SPAG17: variants seen among roughly 807,000 people sequenced by gnomAD.
SPAG17 encodes sperm-associated antigen 17.
Under a neutral mutation model 273.6 loss-of-function variants are expected in SPAG17, and 169 were observed. That is an observed-to-expected ratio of 0.62 (90% CI 0.55 to 0.70). The LOEUF (loss-of-function observed/expected upper bound fraction) is 0.70. Among genes scored for constraint, SPAG17 ranks in the 30% least tolerant of loss-of-function variants. The pLI is 0.00. For missense variants in SPAG17, 2,557 were observed against 2,627.8 expected (o/e 0.97, Z 0.59); for synonymous variants, 825 against 873.2 (o/e 0.94, Z 0.97).
intron 29 of SPAG17, among the ~76,000 whole-genome samples, 189 bp from the exon 30 acceptor site, chr1:118,012,561 A>C (rs1283298298): frequency 2.0e-5 from 3 of 152,240 alleles, no homozygotes; most frequent in African/African-American, 7.2e-5. Context: ...TTTATAGATG[A>C]GGAAATGTAG....
At chr1:118,085,642 G>T (rs972196598) in intron 13 of SPAG17, among the ~76,000 whole-genome samples, 1 of 152,086 alleles carries the variant, frequency 6.6e-6, no homozygotes, top group South Asian at 2.1e-4. Context: ...ACAGAGATGG[G>T]GGAAAACGAG....
chr1:118,018,458 T>C (rs1248722382), intron 28 of SPAG17, among the ~76,000 whole-genome samples: 1 of 152,068 alleles, frequency 6.6e-6, no homozygotes, highest in African/African-American at 2.4e-5. Flanking sequence ...TTCCTTAAAT[T>C]AATAATTTAA....
intron 31 of SPAG17, 108 bp from the exon 32 acceptor site, chr1:118,005,710 CTG>C (rs760523079): frequency 2.1e-5 from 17 of 794,854 alleles, no homozygotes; most frequent in Non-Finnish European, 2.8e-5. Flanking sequence ...TAGTCACAAA[CTG>C]TGTTTGCAGG....
At position 117,984,731 on chromosome 1, in the gene SPAG17, T is replaced by C. The variant is rs1305493876; in HGVS notation, c.5721A>G (p.Ile1907Met). The stretch of plus-strand genomic sequence containing the variant: ...ATTCAGATTTAAAAAAGGGTGGTAT[T>C]ATGCGGTTCTTAATATCCATTAGGT... Reference protein sequence around the residue: ...QNYLMDIKNRIIPPFFKSELN... With the variant: ...QNYLMDIKNRMIPPFFKSELN... Residue 1907 changes from isoleucine to methionine, a missense_variant, in exon 41 of 49, where the codon ATA (isoleucine) becomes ATG (methionine). By Grantham distance (10) the Ile-to-Met change is conservative (BLOSUM62 1). Transcript: ENST00000336338. 1 of 1,611,734 alleles carries C rather than the reference T, an allele frequency of 6.2e-7. No homozygotes were observed. The highest frequency in any genetic ancestry group is 1.7e-5 in the Admixed American group (1 of 59,978).
chr1:118,104,814 A>C (rs1656286644), intron 4 of SPAG17, among the ~76,000 whole-genome samples: 1 of 152,192 alleles, frequency 6.6e-6, no homozygotes, highest in South Asian at 2.1e-4. Flanking sequence ...TAGAGAAACC[A>C]CTTTTATGGA....
chr1:117,970,218 A>G, intron 45 of SPAG17, 102 bp from the exon 46 acceptor site: 1 of 1,148,942 alleles, frequency 8.7e-7, no homozygotes. Flanking sequence ...AATATTTGCT[A>G]CACAGGAGCC....
At chr1:118,084,182 A>C (rs1654816992) in intron 13 of SPAG17, among the ~76,000 whole-genome samples, 1 of 152,142 alleles carries the variant, frequency 6.6e-6, no homozygotes. Context: ...TGCACAACAG[A>C]AATGACATAC....
chr1:118,059,934 T>A (rs1334130372), intron 18 of SPAG17, among the ~76,000 whole-genome samples: 3 of 152,190 alleles, frequency 2.0e-5, no homozygotes, highest in Non-Finnish European at 1.5e-5. Flanking sequence ...AAGTAATTAT[T>A]AATAAACTAT....
At chr1:118,117,265 G>T (rs1016310839) in intron 3 of SPAG17, among the ~76,000 whole-genome samples, 3 of 152,146 alleles carry the variant, frequency 2.0e-5, no homozygotes, top group African/African-American at 7.2e-5. Context: ...TGGTTGTGGA[G>T]TCTCTTTTCC....
At chr1:118,040,248 G>A (rs116323585) in intron 22 of SPAG17, among the ~76,000 whole-genome samples, 1,797 of 152,034 alleles carry the variant, frequency 0.012, 19 homozygotes, top group Non-Finnish European at 0.019. Context: ...AATTTACTAC[G>A]AATCACCTGA....
At chr1:117,966,054 G>A (rs1264510233) in intron 47 of SPAG17, 2 of 152,164 alleles carry the variant, frequency 1.3e-5, no homozygotes, top group Non-Finnish European at 2.9e-5. Context: ...TGCCACTGGA[G>A]AAAGTACAAA....
At chr1:118,176,299 G>T (rs1475823735) in intron 1 of SPAG17, among the ~76,000 whole-genome samples, 1 of 151,970 alleles carries the variant, frequency 6.6e-6, no homozygotes, top group African/African-American at 2.4e-5. Context: ...AAAGAAAAAA[G>T]ACCCAACTCT....
intron 1 of SPAG17, among the ~76,000 whole-genome samples, chr1:118,184,630 G>A (rs1055869629): frequency 2.6e-5 from 4 of 152,062 alleles, no homozygotes; most frequent in African/African-American, 9.7e-5. Flanking sequence ...GTAATTCTAG[G>A]CACTCCGTGT....
chr1:118,170,522 G>A (rs866477927), intron 1 of SPAG17, among the ~76,000 whole-genome samples: 3 of 152,116 alleles, frequency 2.0e-5, no homozygotes, highest in Non-Finnish European at 4.4e-5. Flanking sequence ...GGGTGAGAGA[G>A]CAGAAAAGAG....
At chr1:118,008,220 G>A (rs1659110899) in intron 30 of SPAG17, 22 bp from the exon 31 acceptor site, 2 of 1,612,536 alleles carry the variant, frequency 1.2e-6, no homozygotes, top group Non-Finnish European at 1.7e-6. Flanking sequence ...TGCAAGGTAA[G>A]CAGATCTGAT....
rs537853543 is a variant in SPAG17, at chr1:117,991,006, T to TA, written c.5476-101dup. 72 of 612,380 alleles carry TA rather than the reference T, an allele frequency of 1.2e-4. No individual in the cohort carries two copies. The African/African-American group carries it at 1.4e-3, about 12-fold the overall frequency. The allele number at this position is 612,380 out of a possible 1,614,324, so 37.9% of individuals were successfully genotyped here. ...AGCTGATCTTTTGTAAAAACTACTATAAAATGAATTAGTTTAAAAATACTG... is the reference window on the plus strand; with the variant it reads ...AGCTGATCTTTTGTAAAAACTACTATAAAAATGAATTAGTTTAAAAATACTG... On this transcript the variant is annotated intron_variant, in intron 37 of 48. Transcript: ENST00000336338.
chr1:118,093,005 C>T (rs999202850), intron 8 of SPAG17, 151 bp downstream of exon 8: 1 of 777,176 alleles, frequency 1.3e-6, no homozygotes, highest in East Asian at 2.8e-5. Flanking sequence ...CTTCACAAAG[C>T]CCCCATCATG....
intron 1 of SPAG17, among the ~76,000 whole-genome samples, chr1:118,175,218 C>T (rs1660634503): frequency 1.3e-5 from 2 of 152,100 alleles, no homozygotes; most frequent in Middle Eastern, 3.4e-3. Flanking sequence ...TTAGTAGAAA[C>T]GGGGTTTCAC....
chr1:118,023,597 C>G, intron 27 of SPAG17, 134 bp from the exon 28 acceptor site: 1 of 679,160 alleles, frequency 1.5e-6, no homozygotes, highest in East Asian at 3.0e-5. Flanking sequence ...CCTCCAGACC[C>G]AGCAGCACAA....
Sources: gnomAD v4.1 joint callset for allele counts (sites outside exome capture counted in the v4.1 genomes callset) on GRCh38, gnomAD v4.1.1 for gene constraint, MANE v1.5 for transcripts, NCBI Gene and HGNC (gene_info 2026-07-23, HGNC 2026-07-21) for gene names.